MFSD6: variants seen among roughly 807,000 people sequenced by gnomAD.
The protein encoded by MFSD6 is major facilitator superfamily domain containing 6.
Under a neutral mutation model 56.3 loss-of-function variants are expected in MFSD6, and 26 were observed. The observed-to-expected ratio is 0.46, with a 90% confidence interval of 0.34 to 0.64. MFSD6 has a LOEUF of 0.64. Ranked by LOEUF, MFSD6 falls within the 30% of genes least tolerant of loss-of-function variation. MFSD6 has a pLI of 0.01. For synonymous variants in MFSD6, 331 were observed against 366.9 expected, an observed-to-expected ratio of 0.90 and a Z score of 1.12; for missense variants, 750 against 986.2, an observed-to-expected ratio of 0.76 and a Z score of 3.21.
chr2:190,493,900 C>T (rs1215135563), intron 6 of MFSD6, among the ~76,000 whole-genome samples: 1 of 152,008 alleles, frequency 6.6e-6, no homozygotes, highest in Non-Finnish European at 1.5e-5. Context: ...TAAATGCCTA[C>T]ATCAAAAAGT....
chr2:190,447,161 A>AAGG lies in MFSD6; in HGVS notation c.1532+9600_1532+9601insAGG, dbSNP rs1384751098. 1.6e-3 allele frequency among the ~76,000 whole-genome samples: 239 copies of AAGG among 152,344 alleles called. 1 individual carries two copies. The highest frequency in any genetic ancestry group is 5.6e-3 in the African/African-American group (231 of 41,580). ...TATTAGCGCACTCAAGGTGTCTGAC[A>AAGG]TGGAATTATTTTAACACAATGAGTA... On this transcript the variant is annotated intron_variant, in intron 3 of 7. Coordinates refer to ENST00000392328, the MANE Select transcript of MFSD6 (RefSeq NM_017694.4). This position sits in a 1 kb window ranked among gnomAD's most constrained non-coding sequence, Gnocchi z 4.5.
rs537108807 is a variant in MFSD6 at position 190,437,604 on chromosome 2, T to C, written c.1532+43T>C. On this transcript the variant is annotated intron_variant, in intron 3 of 7. Coordinates refer to ENST00000392328, the MANE Select transcript of MFSD6 (RefSeq NM_017694.4). This position sits in a 1 kb window ranked among gnomAD's most constrained non-coding sequence, Gnocchi z 5.9. ...ATTGCTGCCCCTCAGCAATTGAACTTTATCTTTTTATGGTTTATAGCTCCT... is the reference window on the plus strand; with the variant it reads ...ATTGCTGCCCCTCAGCAATTGAACTCTATCTTTTTATGGTTTATAGCTCCT... 1 of 1,572,056 alleles carries C rather than the reference T, an allele frequency of 6.4e-7. No individual in the cohort carries two copies. Among genetic ancestry groups the C allele is most frequent in the East Asian group, 2.2e-5 (1 of 44,484 alleles).
chr2:190,445,176 G>A lies in MFSD6; in HGVS notation c.1532+7615G>A, dbSNP rs1574121140. On this transcript the variant is annotated intron_variant, in intron 3 of 7. Coordinates refer to ENST00000392328, the MANE Select transcript of MFSD6 (RefSeq NM_017694.4). The stretch of plus-strand genomic sequence containing the variant: ...TCAGTTTTATTCATCTGTAAATCTG[G>A]GGATACTTATCTCATATTAAAGAGA... 2.0e-5 allele frequency among the ~76,000 whole-genome samples: 3 copies of A among 152,168 alleles called. No individual in the cohort carries two copies. In the East Asian group the frequency reaches 5.8e-4, roughly 29 times the overall value.
In MFSD6 at chr2:190,500,278, T is replaced by A. The variant is rs867145251; in HGVS notation, c.*60T>A. 3 of 1,584,186 alleles carry A rather than the reference T, an allele frequency of 1.9e-6. No homozygotes were observed. The Middle Eastern group carries it at 5.6e-4, about 298-fold the overall frequency. On this transcript the variant is annotated 3_prime_UTR_variant, in exon 8 of 8. Coordinates refer to ENST00000392328, the MANE Select transcript of MFSD6 (RefSeq NM_017694.4). This position sits in a 1 kb window ranked among gnomAD's most constrained non-coding sequence, Gnocchi z 5.3. The stretch of plus-strand genomic sequence containing the variant: ...CAGGCTCCTCAGCCAGGACACAGGG[T>A]GAGGCCCCCCAGCCAGGATATGCCT...
rs1685793952 is a variant in MFSD6, at chr2:190,426,686, T to A, written c.-53-9291T>A. Among the ~76,000 whole-genome samples, 1 of 152,206 alleles carries A rather than the reference T, an allele frequency of 6.6e-6. No homozygotes were observed. Among genetic ancestry groups the A allele is most frequent in the Non-Finnish European group, 1.5e-5 (1 of 68,030 alleles). On this transcript the variant is annotated intron_variant, in intron 2 of 7. Transcript: ENST00000392328. This position sits in a 1 kb window ranked among gnomAD's most constrained non-coding sequence, Gnocchi z 4.7. ...TATTATTTCCAAATGATGGTTGTTT[T>A]CAAAATGGTTGTCATTCCTGTCATC...
chr2:190,425,408 C>G lies in MFSD6; in HGVS notation c.-54+9995C>G, dbSNP rs13418180. Reference sequence around the variant, plus strand: ...TGAGAACAGACAGTCTTGCCTTGTTCCCTATCTTAGAGAAAAAGCATTCAG... The same window carrying G: ...TGAGAACAGACAGTCTTGCCTTGTTGCCTATCTTAGAGAAAAAGCATTCAG... On this transcript the variant is annotated intron_variant, in intron 2 of 7. Transcript: ENST00000392328. The surrounding 1 kb of genome is among the most constrained non-coding windows in gnomAD (Gnocchi z 4.3). Among the ~76,000 whole-genome samples, 804 of 152,214 alleles carry G rather than the reference C, an allele frequency of 5.3e-3. 6 individuals carry two copies. The highest frequency in any genetic ancestry group is 0.018 in the African/African-American group (758 of 41,548).
chr2:190,423,345 G>T lies in MFSD6; in HGVS notation c.-54+7932G>T, dbSNP rs2354877. ...ACCTGTCTATCTCTATTTCAATGAT[G>T]TTGTCATTTCAAGAATGTTATATGA... is the stretch of plus-strand genomic sequence containing the variant. On this transcript the variant is annotated intron_variant, in intron 2 of 7. Coordinates refer to ENST00000392328, the MANE Select transcript of MFSD6 (RefSeq NM_017694.4). The surrounding 1 kb of genome is among the most constrained non-coding windows in gnomAD (Gnocchi z 4.3). 0.31 allele frequency among the ~76,000 whole-genome samples: 46,466 copies of T among 151,998 alleles called. 7,505 individuals are homozygous for T. Among genetic ancestry groups the T allele is most frequent in the African/African-American group, 0.4 (16,674 of 41,422 alleles).
At chr2:190,483,983 C>G (rs1688859956) in intron 4 of MFSD6, among the ~76,000 whole-genome samples, 1 of 151,990 alleles carries the variant, frequency 6.6e-6, no homozygotes, top group South Asian at 2.1e-4. Flanking sequence ...TTTACTGTGC[C>G]TCAAAGCCAA....
rs199927176 is a variant in MFSD6, at chr2:190,482,868, C to CTTTTTTTTT, written c.1631-5762_1631-5754dup. On this transcript the variant is annotated intron_variant, in intron 4 of 7. Transcript: ENST00000392328. ...GGAGAAGAGTTATTAAGACTATCAT[C>CTTTTTTTTT]TTTTTTTTTTTTTTTTTTTTTTTTT... Among the ~76,000 whole-genome samples, 19 of 48,266 alleles carry CTTTTTTTTT rather than the reference C, an allele frequency of 3.9e-4. 3 individuals are homozygous for CTTTTTTTTT. Among genetic ancestry groups the CTTTTTTTTT allele is most frequent in the Middle Eastern group, 0.018 (2 of 112 alleles). The allele number at this position is 48,266 out of a possible 152,430, so 31.7% of individuals were successfully genotyped here.
chr2:190,445,178 G>A (rs1267311608), intron 3 of MFSD6, among the ~76,000 whole-genome samples: 1 of 152,078 alleles, frequency 6.6e-6, no homozygotes, highest in African/African-American at 2.4e-5. Context: ...TAAATCTGGG[G>A]ATACTTATCT....
rs1689556380 is a variant in MFSD6 at position 190,494,593 on chromosome 2, A to T, written c.1892-2846A>T. Among the ~76,000 whole-genome samples, 1 of 152,186 alleles carries T rather than the reference A, an allele frequency of 6.6e-6. No individual in the cohort carries two copies. The highest frequency in any genetic ancestry group is 1.9e-4 in the East Asian group (1 of 5,208). ...ATCCCTGATGAACATCAATGCAAAA[A>T]TCCTTAACAAAATACTAGCTAATCG... On this transcript the variant is annotated intron_variant, in intron 6 of 7. Coordinates refer to ENST00000392328, the MANE Select transcript of MFSD6 (RefSeq NM_017694.4). The surrounding 1 kb of genome is among the most constrained non-coding windows in gnomAD (Gnocchi z 5.7).
chr2:190,485,008 A>C lies in MFSD6; in HGVS notation c.1631-3649A>C, dbSNP rs1056645902. 1.3e-5 allele frequency among the ~76,000 whole-genome samples: 2 copies of C among 152,196 alleles called. No individual in the cohort carries two copies. The highest frequency in any genetic ancestry group is 2.4e-5 in the African/African-American group (1 of 41,456). On this transcript the variant is annotated intron_variant, in intron 4 of 7. Coordinates refer to ENST00000392328, the MANE Select transcript of MFSD6 (RefSeq NM_017694.4). The surrounding 1 kb of genome is among the most constrained non-coding windows in gnomAD (Gnocchi z 5.1). Reference sequence around the variant, plus strand: ...TCCCAATTATCTAATCAGTCTCAAAAGCAATATAGAAACTAGAAGTCTAAC... The same window carrying C: ...TCCCAATTATCTAATCAGTCTCAAACGCAATATAGAAACTAGAAGTCTAAC...
intron 4 of MFSD6, among the ~76,000 whole-genome samples, chr2:190,482,584 G>T (rs12613365): frequency 0.3 from 45,275 of 151,770 alleles, 7,492 homozygotes; most frequent in East Asian, 0.46. Context: ...TACTGTGTCA[G>T]TTCTCACTCC....
At position 190,459,906 on chromosome 2, in the gene MFSD6, C is replaced by T. The variant is rs1416777086; in HGVS notation, c.1533-9852C>T. Among the ~76,000 whole-genome samples, 1 of 152,228 alleles carries T rather than the reference C, an allele frequency of 6.6e-6. No individual in the cohort carries two copies. Among genetic ancestry groups the T allele is most frequent in the African/African-American group, 2.4e-5 (1 of 41,462 alleles). Reference sequence around the variant, plus strand: ...ACAGCTAAATATTATTTCTAATTCACTCTCTGACATACAATGTGATTCTTA... The same window carrying T: ...ACAGCTAAATATTATTTCTAATTCATTCTCTGACATACAATGTGATTCTTA... On this transcript the variant is annotated intron_variant, in intron 3 of 7. Transcript: ENST00000392328. The surrounding 1 kb of genome is among the most constrained non-coding windows in gnomAD (Gnocchi z 5.3).
At chr2:190,419,768 CCT>C (rs1178201448) in intron 2 of MFSD6, among the ~76,000 whole-genome samples, 1 of 152,154 alleles carries the variant, frequency 6.6e-6, no homozygotes, top group Admixed American at 6.5e-5. Context: ...GATTTCATTG[CCT>C]CTCATCAATA....
chr2:190,451,795 T>G lies in MFSD6; in HGVS notation c.1532+14234T>G, dbSNP rs777424020. ...CACTGGACAAGGATCCTGGGAAGCT[T>G]GAGCATCATACTAAGAATTGGAATG... On this transcript the variant is annotated intron_variant, in intron 3 of 7. Transcript: ENST00000392328. This position sits in a 1 kb window ranked among gnomAD's most constrained non-coding sequence, Gnocchi z 5.0. Among the ~76,000 whole-genome samples, 13 of 152,224 alleles carry G rather than the reference T, an allele frequency of 8.5e-5. No individual in the cohort carries two copies. Among genetic ancestry groups the G allele is most frequent in the Non-Finnish European group, 1.5e-4 (10 of 68,034 alleles).
rs183471034 is a variant in MFSD6 at position 190,499,684 on chromosome 2, C to A, written c.2173-331C>A. The A allele has an allele frequency of 4.9e-6, 4 of 822,942 alleles. No homozygotes were observed. In the African/African-American group the frequency reaches 5.3e-5, roughly 11 times the overall value. 51.0% of individuals were successfully genotyped at this position (822,942 alleles called of 1,614,324 possible). A position where few individuals can be genotyped will look rare whatever the true frequency, so the allele number is the denominator to read the frequency against. ...CAGTTATTCCATAGTGCTTGCCCAG[C>A]GACTTGCCACATGGCTTGGGGGGCT... On this transcript the variant is annotated intron_variant, in intron 7 of 7. Coordinates refer to ENST00000392328, the MANE Select transcript of MFSD6 (RefSeq NM_017694.4). The surrounding 1 kb of genome is among the most constrained non-coding windows in gnomAD (Gnocchi z 6.0).
Position 190,500,360 on chromosome 2 carries a change from G to A in MFSD6, c.*142G>A, listed in dbSNP as rs1689969492. On this transcript the variant is annotated 3_prime_UTR_variant, in exon 8 of 8. Coordinates refer to ENST00000392328, the MANE Select transcript of MFSD6 (RefSeq NM_017694.4). This position sits in a 1 kb window ranked among gnomAD's most constrained non-coding sequence, Gnocchi z 5.3. The stretch of plus-strand genomic sequence containing the variant: ...CTAAATATCTAAACTCATTAACATG[G>A]AAACACACACACAGGAGCTACAGTA... The A allele has an allele frequency of 1.2e-6, 1 of 820,414 alleles. No homozygotes were observed. The highest frequency in any genetic ancestry group is 1.9e-6 in the Non-Finnish European group (1 of 529,734). 50.8% of individuals were successfully genotyped at this position (820,414 alleles called of 1,614,324 possible).
chr2:190,471,728 C>A lies in MFSD6; in HGVS notation c.1630+1873C>A, dbSNP rs1687945033. On this transcript the variant is annotated intron_variant, in intron 4 of 7. Coordinates refer to ENST00000392328, the MANE Select transcript of MFSD6 (RefSeq NM_017694.4). The surrounding 1 kb of genome is among the most constrained non-coding windows in gnomAD (Gnocchi z 4.7). ...TGCAGACTTAAATGTCCCTGTCTGA[C>A]AGCTTTGAAGACAGTAGTTCTCCCA... is the stretch of plus-strand genomic sequence containing the variant. Among the ~76,000 whole-genome samples the A allele has an allele frequency of 6.6e-6, 1 of 152,224 alleles. No individual in the cohort carries two copies. The highest frequency in any genetic ancestry group is 2.4e-5 in the African/African-American group (1 of 41,448).
Sources: allele counts gnomAD v4.1 joint callset (sites outside exome capture counted in the v4.1 genomes callset), GRCh38; gene constraint gnomAD v4.1.1; non-coding constraint Gnocchi (gnomAD v3.1); transcripts MANE v1.5; gene names NCBI Gene and HGNC (gene_info 2026-07-23, HGNC 2026-07-21).